The following ST13 variants were observed in gnomAD, a reference collection of about 807,000 sequenced individuals.
ST13 encodes the protein ST13 Hsp70 interacting protein.
Under a neutral mutation model 56.7 loss-of-function variants are expected in ST13, and 23 were observed. That is an observed-to-expected ratio of 0.41 (90% CI 0.29 to 0.57). The LOEUF (loss-of-function observed/expected upper bound fraction) is 0.57. Among genes scored for constraint, ST13 ranks in the 20% least tolerant of loss-of-function variants. The pLI, the probability that ST13 is intolerant of heterozygous loss-of-function variation, is 0.36. For missense variants in ST13, 369 were observed against 459.9 expected (o/e 0.80, Z 1.81); for synonymous variants, 132 against 142.4 (o/e 0.93, Z 0.52).
At chr22:40,826,756 T>C in intron 11 of ST13, 90 bp from the exon 12 acceptor site, 1 of 1,459,720 alleles carries the variant, frequency 6.9e-7, no homozygotes, top group Non-Finnish European at 9.3e-7. Context: ...TTTAGACCTG[T>C]AATTTGGTGA....
rs573342477 is a variant in ST13, at chr22:40,827,450, T to C, written c.848-221A>G. On this transcript the variant is annotated intron_variant, in intron 10 of 11. Coordinates refer to ENST00000216218, the MANE Select transcript of ST13 (RefSeq NM_003932.5). ...AATCAGACTTTGCTACCTCCTGGATTAACTTTTTTCTAGTAATAACACTGT... is the reference window on the plus strand; with the variant it reads ...AATCAGACTTTGCTACCTCCTGGATCAACTTTTTTCTAGTAATAACACTGT... 3.8e-4 allele frequency among the ~76,000 whole-genome samples: 58 copies of C among 152,274 alleles called. 1 individual carries two copies. In the South Asian group the frequency reaches 0.012, roughly 31 times the overall value.
chr22:40,845,677 G>C (rs898671769), intron 3 of ST13, among the ~76,000 whole-genome samples: 3 of 151,862 alleles, frequency 2.0e-5, no homozygotes, highest in Non-Finnish European at 4.4e-5. Flanking sequence ...ACAGTTGTCA[G>C]TTAAATGACA....
chr22:40,849,910 T>C (rs1332228197), intron 2 of ST13, among the ~76,000 whole-genome samples: 1 of 36,528 alleles, frequency 2.7e-5, no homozygotes, highest in African/African-American at 1.0e-4. Flanking sequence ...TCAGAAAATT[T>C]GCAAAAAAAA....
intron 1 of ST13, among the ~76,000 whole-genome samples, chr22:40,853,742 A>G (rs1191626283): frequency 6.6e-6 from 1 of 152,226 alleles, no homozygotes; most frequent in Non-Finnish European, 1.5e-5. Context: ...TTTCCTTTAC[A>G]ACATTTAGGA....
chr22:40,832,372 A>C (rs1367879562), intron 8 of ST13, among the ~76,000 whole-genome samples, 197 bp downstream of exon 8: 1 of 152,236 alleles, frequency 6.6e-6, no homozygotes, highest in East Asian at 1.9e-4. Flanking sequence ...GTTTGCTCTA[A>C]TAATGCATGA....
At chr22:40,834,327 T>C (rs1192102957) in intron 7 of ST13, among the ~76,000 whole-genome samples, 1 of 152,102 alleles carries the variant, frequency 6.6e-6, no homozygotes, top group Non-Finnish European at 1.5e-5. Flanking sequence ...CAAAAAACCT[T>C]CAAACTTTAC....
At position 40,830,924 on chromosome 22, in the gene ST13, A is replaced by G. The variant is rs770775075; in HGVS notation, c.714T>C (p.Tyr238=). Residue 238 remains tyrosine (Y), a synonymous_variant, in exon 9 of 12, where the codon TAT becomes TAC. Transcript: ENST00000216218. The part of the protein sequence containing the change: ...AQKIAEHRRK[Y]ERKREEREIK... The stretch of plus-strand genomic sequence containing the variant: ...TCTCTCGCTCTTCACGTTTTCGCTC[A>G]TACTTTCTCCGATGTTCTGCAATTT... The G allele has an allele frequency of 2.5e-6, 4 of 1,602,664 alleles. No individual in the cohort carries two copies. The highest frequency in any genetic ancestry group is 1.1e-5 in the South Asian group (1 of 90,786).
chr22:40,838,123 A>G (rs190562883), intron 5 of ST13, among the ~76,000 whole-genome samples: 80 of 152,344 alleles, frequency 5.3e-4, no homozygotes, highest in Middle Eastern at 3.4e-3. Flanking sequence ...ACAATCTGTC[A>G]TAACTACTCA....
rs777976734 is a variant in ST13, at chr22:40,824,976, C to T, written c.*1562G>A. The T allele has an allele frequency of 2.0e-5, 3 of 152,224 alleles. No homozygotes were observed. Among genetic ancestry groups the T allele is most frequent in the East Asian group, 3.9e-4 (2 of 5,188 alleles). The allele number at this position is 152,224 out of a possible 1,614,324, so 9.4% of individuals were successfully genotyped here. On this transcript the variant is annotated 3_prime_UTR_variant, in exon 12 of 12. Coordinates refer to ENST00000216218, the MANE Select transcript of ST13 (RefSeq NM_003932.5). ...ACTCCATAGAATTTACTTCACTGCT[C>T]CTACCACTGATTCTTCAAATAAGCA...
chr22:40,830,179 CAAG>C (rs2057747684), intron 9 of ST13, among the ~76,000 whole-genome samples: 1 of 152,010 alleles, frequency 6.6e-6, no homozygotes, highest in Non-Finnish European at 1.5e-5. Flanking sequence ...TTTTAAATAT[CAAG>C]GAGATAAATT....
chr22:40,853,734 T>G (rs550449339), intron 1 of ST13, among the ~76,000 whole-genome samples: 1 of 152,326 alleles, frequency 6.6e-6, no homozygotes, highest in Admixed American at 6.5e-5. Flanking sequence ...TCTGTTCATT[T>G]CCTTTACAAC....
Position 40,835,887 on chromosome 22 carries a change from C to T in ST13, c.383G>A (p.Gly128Asp). The part of the protein sequence containing the change: ...KVAAIEALND[G>D]ELQKAIDLFT... ...TAAGTCAATGGCTTTCTGGAGTTCA[C>T]CTAAAGTGAAACAAAAGTTATCGAG... The change falls in exon 6 of 12, where the codon GGT becomes GAT. Residue 128 changes from glycine (G) to aspartate (D), a missense_variant and splice_region_variant. Physicochemically the swap from Gly to Asp is moderately conservative, Grantham distance 94 (BLOSUM62 -1). Transcript: ENST00000216218. 3 of 1,607,922 alleles carry T rather than the reference C, an allele frequency of 1.9e-6. No individual in the cohort carries two copies. The highest frequency in any genetic ancestry group is 2.5e-6 in the Non-Finnish European group (3 of 1,178,218).
chr22:40,828,485 C>T (rs981291037), intron 10 of ST13, among the ~76,000 whole-genome samples: 35 of 151,454 alleles, frequency 2.3e-4, no homozygotes, highest in African/African-American at 6.5e-4. Context: ...TGGTGGCAGG[C>T]GCCTGTAGTC....
At chr22:40,829,761 T>C (rs1213204635) in intron 9 of ST13, 87 bp from the exon 10 acceptor site, 3 of 648,510 alleles carry the variant, frequency 4.6e-6, no homozygotes, top group South Asian at 4.2e-5. Context: ...CATGAAAAAA[T>C]TGTAAAATAA....
At chr22:40,839,158 AC>A (rs562323031) in intron 5 of ST13, among the ~76,000 whole-genome samples, 24 of 152,318 alleles carry the variant, frequency 1.6e-4, no homozygotes, top group Non-Finnish European at 3.4e-4. Flanking sequence ...TATTAAGGCA[AC>A]TGCAGTATAA....
chr22:40,837,571 G>A (rs909416651), intron 5 of ST13, among the ~76,000 whole-genome samples: 47 of 152,274 alleles, frequency 3.1e-4, no homozygotes, highest in African/African-American at 1.1e-3. Flanking sequence ...GCTTGAACCC[G>A]GGAGGCGGAG....
chr22:40,845,072 G>C (rs1271514343), intron 3 of ST13, among the ~76,000 whole-genome samples, 163 bp from the exon 4 acceptor site: 1 of 152,130 alleles, frequency 6.6e-6, no homozygotes, highest in African/African-American at 2.4e-5. Context: ...ACTTTGGTAA[G>C]ACTACACTTT....
At chr22:40,856,362 G>C in intron 1 of ST13, 69 bp downstream of exon 1, 2 of 1,413,186 alleles carry the variant, frequency 1.4e-6, no homozygotes, top group Non-Finnish European at 2.0e-6. Flanking sequence ...GACCGAGCCA[G>C]GTCCAGCCTG....
At chr22:40,842,448 T>C (rs1328830300) in intron 4 of ST13, among the ~76,000 whole-genome samples, 2 of 152,140 alleles carry the variant, frequency 1.3e-5, no homozygotes, top group Non-Finnish European at 2.9e-5. Flanking sequence ...GCAAAAGACT[T>C]ACAAATAACC....
Sources: gnomAD v4.1 joint callset for allele counts (sites outside exome capture counted in the v4.1 genomes callset) on GRCh38, gnomAD v4.1.1 for gene constraint, MANE v1.5 for transcripts, NCBI Gene and HGNC (gene_info 2026-07-23, HGNC 2026-07-21) for gene names.